RBFOX1: variants seen among roughly 807,000 people sequenced by gnomAD.
The protein encoded by RBFOX1 is RNA binding protein fox-1 homolog 1.
Under a neutral mutation model 57.7 loss-of-function variants are expected in RBFOX1, and 8 were observed. That is an observed-to-expected ratio of 0.14 (90% CI 0.08 to 0.25). The LOEUF (loss-of-function observed/expected upper bound fraction) is 0.25, where lower values mean the gene tolerates loss of function less well. Among genes scored for constraint, RBFOX1 ranks in the 10% least tolerant of loss-of-function variants. RBFOX1 has a pLI of 1.00. For missense variants in RBFOX1, 611 were observed against 548.5 expected, an observed-to-expected ratio of 1.11 and a Z score of -1.14; for synonymous variants, 326 against 222.4, an observed-to-expected ratio of 1.47 and a Z score of -4.15.
chr16:7,627,653 A>G (rs2060284751), intron 10 of RBFOX1, among the ~76,000 whole-genome samples: 1 of 152,058 alleles, frequency 6.6e-6, no homozygotes, highest in African/African-American at 2.4e-5. Context: ...CTTGTACCTT[A>G]TTACCTATTT....
intron 14 of RBFOX1, among the ~76,000 whole-genome samples, chr16:7,701,488 T>C (rs995734170): frequency 5.3e-5 from 8 of 152,324 alleles, no homozygotes; most frequent in African/African-American, 1.9e-4. Context: ...TAATGCCTGA[T>C]GATCTGAAGT....
At chr16:6,152,099 C>T (rs2096801577) in intron 1 of RBFOX1, among the ~76,000 whole-genome samples, 1 of 152,130 alleles carries the variant, frequency 6.6e-6, no homozygotes, top group African/African-American at 2.4e-5. Flanking sequence ...GAAAAACACC[C>T]TGAAGATCTA....
intron 3 of RBFOX1, among the ~76,000 whole-genome samples, chr16:6,657,502 T>C (rs1233023695): frequency 6.6e-6 from 1 of 152,082 alleles, no homozygotes; most frequent in African/African-American, 2.4e-5. Context: ...CCATTGGCTG[T>C]GGCAGCCAGA....
intron 4 of RBFOX1, among the ~76,000 whole-genome samples, chr16:7,270,820 C>T (rs1028930095): frequency 1.3e-5 from 2 of 152,180 alleles, no homozygotes; most frequent in African/African-American, 2.4e-5. Context: ...TCCCCGCTTT[C>T]TCCCTTTCTG....
At chr16:5,479,210 C>T (rs1486472490) in intron 2 of RBFOX1, among the ~76,000 whole-genome samples, 1 of 152,120 alleles carries the variant, frequency 6.6e-6, no homozygotes, top group African/African-American at 2.4e-5. Context: ...TCCTTCATGG[C>T]CCTTGTCAAA....
intron 3 of RBFOX1, among the ~76,000 whole-genome samples, chr16:5,698,208 G>T (rs1721078223): frequency 6.6e-6 from 1 of 152,062 alleles, no homozygotes; most frequent in South Asian, 2.1e-4. Context: ...TTCTTACACT[G>T]TTCTTGTTTG....
chr16:6,158,316 T>G (rs2096853137), intron 1 of RBFOX1, among the ~76,000 whole-genome samples: 1 of 152,182 alleles, frequency 6.6e-6, no homozygotes. Flanking sequence ...AGCAATCAGA[T>G]ATTTGTGAAC....
intron 3 of RBFOX1, among the ~76,000 whole-genome samples, chr16:6,772,685 G>C (rs755241361): frequency 2.6e-5 from 4 of 150,966 alleles, no homozygotes; most frequent in Non-Finnish European, 5.9e-5. Context: ...GCATTTGTGT[G>C]TGTATATGTG....
chr16:5,803,478 C>T (rs1392527776), intron 3 of RBFOX1, among the ~76,000 whole-genome samples: 3 of 152,188 alleles, frequency 2.0e-5, no homozygotes, highest in Non-Finnish European at 1.5e-5. Context: ...TTTCCTCATC[C>T]ATTTTTAATA....
At chr16:7,498,006 A>C (rs950646880) in intron 4 of RBFOX1, among the ~76,000 whole-genome samples, 1 of 152,190 alleles carries the variant, frequency 6.6e-6, no homozygotes, top group Non-Finnish European at 1.5e-5. Context: ...CCTGTCCCCA[A>C]ATAGGTGCTT....
intron 1 of RBFOX1, among the ~76,000 whole-genome samples, chr16:6,178,694 T>TA (rs1299914670): frequency 6.6e-6 from 1 of 152,212 alleles, no homozygotes; most frequent in African/African-American, 2.4e-5. Context: ...GTATCTAGTC[T>TA]ACCTTCTCAT....
intron 7 of RBFOX1, among the ~76,000 whole-genome samples, chr16:7,591,183 G>C (rs6500994): frequency 0.94 from 143,398 of 152,224 alleles, 67,857 homozygotes; most frequent in African/African-American, 0.97. Context: ...AGAGGGATGT[G>C]TCTCAGGCAG....
chr16:7,164,165 T>A (rs557741976), intron 4 of RBFOX1, among the ~76,000 whole-genome samples: 59 of 152,214 alleles, frequency 3.9e-4, no homozygotes, highest in Admixed American at 1.2e-3. Flanking sequence ...CATTCTTACG[T>A]CTTTGCGTCC....
intron 1 of RBFOX1, among the ~76,000 whole-genome samples, chr16:6,042,681 A>G (rs1480983674): frequency 6.6e-6 from 1 of 152,164 alleles, no homozygotes; most frequent in South Asian, 2.1e-4. Context: ...TGGTCCTAAG[A>G]AAGCGTGTCT....
At chr16:5,311,647 A>C (rs184301785) in intron 1 of RBFOX1, among the ~76,000 whole-genome samples, 1 of 152,208 alleles carries the variant, frequency 6.6e-6, no homozygotes, top group Admixed American at 6.5e-5. Context: ...CCTGATGATG[A>C]GTTATGTTGA....
At chr16:7,447,248 A>C (rs2098815891) in intron 4 of RBFOX1, among the ~76,000 whole-genome samples, 1 of 151,724 alleles carries the variant, frequency 6.6e-6, no homozygotes. Context: ...CCTGGCCAAC[A>C]TGGGGAAACC....
intron 1 of RBFOX1, among the ~76,000 whole-genome samples, chr16:5,290,466 G>T (rs1158315915): frequency 6.6e-6 from 1 of 152,188 alleles, no homozygotes; most frequent in African/African-American, 2.4e-5. Context: ...TGATCCTGAT[G>T]GTGGTTGCCG....
intron 1 of RBFOX1, among the ~76,000 whole-genome samples, chr16:5,296,786 C>G (rs1192871101): frequency 1.3e-5 from 2 of 151,732 alleles, no homozygotes; most frequent in Non-Finnish European, 1.5e-5. Context: ...TCAAGCAATT[C>G]TCCTGTCTCA....
chr16:6,396,610 G>A (rs1487226848), intron 2 of RBFOX1, among the ~76,000 whole-genome samples: 1 of 152,190 alleles, frequency 6.6e-6, no homozygotes, highest in Non-Finnish European at 1.5e-5. Context: ...GATGCAGAAT[G>A]GGAGTGTGAA....
Sources: allele counts gnomAD v4.1 joint callset (sites outside exome capture counted in the v4.1 genomes callset), GRCh38; gene constraint gnomAD v4.1.1; transcripts MANE v1.5; gene names NCBI Gene and HGNC (gene_info 2026-07-23, HGNC 2026-07-21).